SUCLG2: variants seen among roughly 807,000 people sequenced by gnomAD.
SUCLG2 encodes succinate-CoA ligase GDP-forming subunit beta.
In SUCLG2, 42 loss-of-function variants were observed where a neutral mutation model predicts 47.9. That is an observed-to-expected ratio of 0.88 (90% CI 0.69 to 1.14). The LOEUF is 1.14. SUCLG2 is among the 50% of genes most tolerant of loss of function. The pLI is 0.00. For synonymous variants in SUCLG2, 195 were observed against 197.3 expected (o/e 0.99, Z 0.10); for missense variants, 571 against 525.9 (o/e 1.09, Z -0.84).
At chr3:67,618,862 A>T (rs1700679062) in intron 1 of SUCLG2, among the ~76,000 whole-genome samples, 2 of 152,200 alleles carry the variant, frequency 1.3e-5, no homozygotes, top group South Asian at 4.1e-4. Flanking sequence ...CTAGAGAAGA[A>T]AAGTACTTTA....
intron 10 of SUCLG2, among the ~76,000 whole-genome samples, chr3:67,368,762 C>T (rs13091816): frequency 0.11 from 16,327 of 152,110 alleles, 1,222 homozygotes; most frequent in Non-Finnish European, 0.15. Flanking sequence ...CCCGCCACCA[C>T]ATCCAGCTAG....
downstream of SUCLG2, among the ~76,000 whole-genome samples, chr3:67,372,184 T>C (rs146792225): frequency 7.2e-5 from 11 of 152,320 alleles, no homozygotes; most frequent in Admixed American, 2.6e-4. Context: ...ACGGCACTGA[T>C]ATTTACCATT....
rs1490024414 is a variant in SUCLG2, at chr3:67,444,091, G to A, written c.1063-43240C>T. Among the ~76,000 whole-genome samples the A allele has an allele frequency of 1.7e-3, 138 of 82,196 alleles. 3 individuals are homozygous for A. Among genetic ancestry groups the A allele is most frequent in the African/African-American group, 5.1e-3 (126 of 24,476 alleles). 53.9% of individuals were successfully genotyped at this position (82,196 alleles called of 152,430 possible). A position where few individuals can be genotyped will look rare whatever the true frequency, so the allele number is the denominator to read the frequency against. ...GTCAGCCCCCCGCCTGGCCAGCCGC[G>A]CCGTCCGGGAGGGAGGTGGGGGGGT... On this transcript the variant is annotated intron_variant, in intron 9 of 10. Coordinates refer to ENST00000307227, the MANE Select transcript of SUCLG2 (RefSeq NM_003848.4).
chr3:67,620,577 T>C (rs1471630330), intron 1 of SUCLG2, among the ~76,000 whole-genome samples: 2 of 45,226 alleles, frequency 4.4e-5, no homozygotes, highest in Non-Finnish European at 8.5e-5. Flanking sequence ...ACAGTGAGAC[T>C]CCATCTCAAA....
At chr3:67,571,503 C>A (rs1707606591) in intron 2 of SUCLG2, among the ~76,000 whole-genome samples, 2 of 152,178 alleles carry the variant, frequency 1.3e-5, no homozygotes, top group Non-Finnish European at 2.9e-5. Context: ...TAAAACACTT[C>A]TGTTTAATGT....
At chr3:67,585,379 G>A (rs1009164561) in intron 2 of SUCLG2, among the ~76,000 whole-genome samples, 1 of 152,212 alleles carries the variant, frequency 6.6e-6, no homozygotes, top group African/African-American at 2.4e-5. Flanking sequence ...GAAAGAACAT[G>A]AAGCGGACAC....
chr3:67,411,153 T>C (rs1423778657), intron 9 of SUCLG2, among the ~76,000 whole-genome samples: 1 of 152,144 alleles, frequency 6.6e-6, no homozygotes, highest in Middle Eastern at 3.2e-3. Flanking sequence ...ACAGGGTTAC[T>C]GTCCCTACAA....
At chr3:67,457,684 C>CTTTTTTTTTTTTTT (rs71109889) in intron 9 of SUCLG2, among the ~76,000 whole-genome samples, 1 of 65,510 alleles carries the variant, frequency 1.5e-5, no homozygotes, top group Non-Finnish European at 2.6e-5. Context: ...ACAAAAGCAG[C>CTTTTTTTTTTTTTT]TTTTTTTTTT....
chr3:67,476,734 A>G (rs1575722532), intron 9 of SUCLG2, among the ~76,000 whole-genome samples: 1 of 152,178 alleles, frequency 6.6e-6, no homozygotes, highest in Non-Finnish European at 1.5e-5. Context: ...TTGTCTCATA[A>G]TATTCTCCTA....
chr3:67,447,896 T>C (rs1035172598), intron 9 of SUCLG2, among the ~76,000 whole-genome samples: 37 of 152,238 alleles, frequency 2.4e-4, no homozygotes, highest in African/African-American at 8.7e-4. Context: ...GGCCGGCTAA[T>C]TTTTGTATTT....
intron 9 of SUCLG2, among the ~76,000 whole-genome samples, chr3:67,435,515 T>A (rs554573116): frequency 6.6e-6 from 1 of 152,274 alleles, no homozygotes; most frequent in South Asian, 2.1e-4. Flanking sequence ...AATGCAAAAT[T>A]ACTACACAGT....
intron 1 of SUCLG2, among the ~76,000 whole-genome samples, chr3:67,642,930 G>C (rs1203345490): frequency 6.6e-6 from 1 of 151,688 alleles, no homozygotes; most frequent in African/African-American, 2.4e-5. Flanking sequence ...GTGTGTGTGT[G>C]TGTGTGTGTG....
chr3:67,538,806 T>C (rs2107169606), intron 2 of SUCLG2, among the ~76,000 whole-genome samples: 1 of 152,350 alleles, frequency 6.6e-6, no homozygotes, highest in Middle Eastern at 3.4e-3. Flanking sequence ...AGGTATTTTA[T>C]TCCCTTTGTA....
intron 6 of SUCLG2, among the ~76,000 whole-genome samples, chr3:67,514,897 G>T (rs760337069): frequency 1.4e-4 from 21 of 152,146 alleles, no homozygotes; most frequent in Non-Finnish European, 2.4e-4. Context: ...AGCTATCCAG[G>T]ATCCCTGACC....
chr3:67,455,187 A>G (rs1704154971), intron 9 of SUCLG2, among the ~76,000 whole-genome samples: 1 of 152,180 alleles, frequency 6.6e-6, no homozygotes, highest in South Asian at 2.1e-4. Context: ...TATATATTTT[A>G]GTCCATTTGT....
At chr3:67,479,410 T>C (rs1041036446) in intron 9 of SUCLG2, among the ~76,000 whole-genome samples, 1 of 152,238 alleles carries the variant, frequency 6.6e-6, no homozygotes, top group Non-Finnish European at 1.5e-5. Context: ...CATATCATTA[T>C]GAATCAATTT....
intron 9 of SUCLG2, among the ~76,000 whole-genome samples, chr3:67,465,059 A>C (rs1704436625): frequency 6.6e-6 from 1 of 152,230 alleles, no homozygotes; most frequent in Non-Finnish European, 1.5e-5. Context: ...TAGCCACTGT[A>C]TCTTCAAGAT....
intron 10 of SUCLG2, among the ~76,000 whole-genome samples, chr3:67,368,855 C>T (rs1339070967): frequency 6.6e-6 from 1 of 152,172 alleles, no homozygotes; most frequent in East Asian, 1.9e-4. Flanking sequence ...ATCTGCACCC[C>T]TCAACCTCCC....
intron 9 of SUCLG2, among the ~76,000 whole-genome samples, chr3:67,457,129 C>T (rs2106949065): frequency 6.9e-6 from 1 of 144,816 alleles, no homozygotes; most frequent in South Asian, 2.3e-4. Flanking sequence ...TAATGACTTG[C>T]TCTTAATGAA....
Sources: allele counts gnomAD v4.1 joint callset (sites outside exome capture counted in the v4.1 genomes callset), GRCh38; gene constraint gnomAD v4.1.1; transcripts MANE v1.5; gene names NCBI Gene and HGNC (gene_info 2026-07-23, HGNC 2026-07-21).